Variants in SLC16A1 observed in about 807,000 individuals in gnomAD.
SLC16A1 encodes the protein monocarboxylate transporter 1.
Under a neutral mutation model 32.2 loss-of-function variants are expected in SLC16A1, and 11 were observed. That is an observed-to-expected ratio of 0.34 (90% CI 0.21 to 0.56). The LOEUF (loss-of-function observed/expected upper bound fraction) is 0.56, where lower values mean the gene tolerates loss of function less well. Ranked by LOEUF, SLC16A1 falls within the 20% of genes least tolerant of loss-of-function variation. The pLI, the probability that SLC16A1 is intolerant of heterozygous loss-of-function variation, is 0.87. For missense variants in SLC16A1, 435 were observed against 615.0 expected (o/e 0.71, Z 3.10); for synonymous variants, 231 against 226.8 (o/e 1.02, Z -0.17).
At chr1:112,919,105 A>T (rs967513752) in intron 3 of SLC16A1, among the ~76,000 whole-genome samples, 1 of 151,764 alleles carries the variant, frequency 6.6e-6, no homozygotes, top group Admixed American at 6.6e-5. Context: ...ATCTCGGCTC[A>T]CTGCAACCTC....
chr1:112,951,145 T>C (rs907485784), intron 1 of SLC16A1, among the ~76,000 whole-genome samples: 1 of 152,088 alleles, frequency 6.6e-6, no homozygotes, highest in Non-Finnish European at 1.5e-5. Context: ...CCACCTAAAC[T>C]AGTCCTTCCA....
intron 2 of SLC16A1, among the ~76,000 whole-genome samples, chr1:112,925,379 TTC>T (rs1491551367): frequency 1.2e-3 from 174 of 141,266 alleles, no homozygotes; most frequent in African/African-American, 1.9e-3. Flanking sequence ...CAAGTGGCCT[TTC>T]TTTTTTTTTT....
intron 1 of SLC16A1, among the ~76,000 whole-genome samples, chr1:112,930,975 T>C (rs1649108503): frequency 6.6e-6 from 1 of 152,164 alleles, no homozygotes; most frequent in Non-Finnish European, 1.5e-5. Flanking sequence ...CACCTTGGCC[T>C]CCCAAAGTGC....
chr1:112,940,385 A>G (rs1022347744), intron 1 of SLC16A1, among the ~76,000 whole-genome samples: 5 of 152,080 alleles, frequency 3.3e-5, no homozygotes, highest in African/African-American at 9.7e-5. Flanking sequence ...AAAGACCTCA[A>G]TCGTGAGAGA....
intron 2 of SLC16A1, chr1:112,923,401 G>C: frequency 1.6e-6 from 1 of 628,798 alleles, no homozygotes; most frequent in Non-Finnish European, 2.9e-6. Context: ...CCGGGCTGTC[G>C]CAGTCTCCTG....
rs573208804 is a variant in SLC16A1, at chr1:112,930,118, G to A, written c.-44-766C>T. Reference sequence around the variant, plus strand: ...AGCAAATTAATCAAACCCAAGGAGAGGGGTAGTGGTAACCCGATTTATAGC... The same window carrying A: ...AGCAAATTAATCAAACCCAAGGAGAAGGGTAGTGGTAACCCGATTTATAGC... On this transcript the variant is annotated intron_variant, in intron 1 of 4. Coordinates refer to ENST00000369626, the MANE Select transcript of SLC16A1 (RefSeq NM_003051.4). Among the ~76,000 whole-genome samples the A allele has an allele frequency of 2.0e-5, 3 of 152,284 alleles. No homozygotes were observed. The South Asian group carries it at 6.2e-4, about 32-fold the overall frequency.
chr1:112,913,907 TC>T lies in SLC16A1; in HGVS notation c.1486del (p.Glu496ArgfsTer18). On this transcript the variant is annotated frameshift_variant, in exon 5 of 5. Coordinates refer to ENST00000369626, the MANE Select transcript of SLC16A1 (RefSeq NM_003051.4). LOFTEE classifies it high-confidence loss of function. ...CCCATGGATTCAGACTGGACTTTCCTCCTCCTTGGGCCCTCCATCTGTGTCT... is the reference window on the plus strand; with the variant it reads ...CCCATGGATTCAGACTGGACTTTCCTCTCCTTGGGCCCTCCATCTGTGTCT... ...QKDTDGGPKE[E>X]ESPV The T allele has an allele frequency of 6.2e-7, 1 of 1,614,186 alleles. No homozygotes were observed. The highest frequency in any genetic ancestry group is 8.5e-7 in the Non-Finnish European group (1 of 1,180,024).
At chr1:112,947,380 G>C (rs1649741928) in intron 1 of SLC16A1, among the ~76,000 whole-genome samples, 1 of 152,164 alleles carries the variant, frequency 6.6e-6, no homozygotes, top group Admixed American at 6.5e-5. Flanking sequence ...ATTAATAATA[G>C]ATGGTATTTC....
intron 4 of SLC16A1, 134 bp from the exon 5 acceptor site, chr1:112,914,299 TA>T (rs1648428569): frequency 2.2e-6 from 2 of 917,120 alleles, no homozygotes; most frequent in Non-Finnish European, 3.3e-6. Context: ...TGAATTAGTA[TA>T]AGGAATTGCT....
At chr1:112,938,959 C>T (rs944936370) in intron 1 of SLC16A1, among the ~76,000 whole-genome samples, 6 of 151,184 alleles carry the variant, frequency 4.0e-5, no homozygotes, top group East Asian at 1.9e-4. Context: ...GGCGCGATCT[C>T]GGCTCACTGC....
At chr1:112,944,993 T>A (rs1367882212) in intron 1 of SLC16A1, among the ~76,000 whole-genome samples, 2 of 103,312 alleles carry the variant, frequency 1.9e-5, no homozygotes, top group African/African-American at 4.3e-5. Flanking sequence ...GCACCCAGCC[T>A]CTTTTTTTTT....
chr1:112,938,583 C>A (rs955990817), intron 1 of SLC16A1, among the ~76,000 whole-genome samples: 1 of 152,152 alleles, frequency 6.6e-6, no homozygotes, highest in African/African-American at 2.4e-5. Context: ...AAAATATAAA[C>A]CTGTCTCTGC....
Position 112,912,424 on chromosome 1 carries a change from C to A in SLC16A1, c.*1467G>T, listed in dbSNP as rs934026053. 6.6e-6 allele frequency: 1 copy of A among 152,184 alleles called. No homozygotes were observed. The highest frequency in any genetic ancestry group is 1.5e-5 in the Non-Finnish European group (1 of 68,022). The allele number at this position is 152,184 out of a possible 1,614,324, so 9.4% of individuals were successfully genotyped here. A position where few individuals can be genotyped will look rare whatever the true frequency, so the allele number is the denominator to read the frequency against. On this transcript the variant is annotated 3_prime_UTR_variant, in exon 5 of 5. Transcript: ENST00000369626. Reference sequence around the variant, plus strand: ...AAGGTTTTGTATCTATACTTTTACTCTGTCAATTACAGTGGTATTTTAAAT... The same window carrying A: ...AAGGTTTTGTATCTATACTTTTACTATGTCAATTACAGTGGTATTTTAAAT...
chr1:112,926,618 A>C (rs1266414796), intron 2 of SLC16A1, among the ~76,000 whole-genome samples: 2 of 152,166 alleles, frequency 1.3e-5, no homozygotes, highest in Non-Finnish European at 2.9e-5. Flanking sequence ...TCATGCCTGT[A>C]ATCCCAGCAC....
At chr1:112,931,176 A>G (rs550637549) in intron 1 of SLC16A1, among the ~76,000 whole-genome samples, 1 of 152,178 alleles carries the variant, frequency 6.6e-6, no homozygotes, top group African/African-American at 2.4e-5. Context: ...AAAAAAAAAG[A>G]TAATTCTGAA....
chr1:112,935,136 C>T (rs564581635), intron 1 of SLC16A1, among the ~76,000 whole-genome samples: 151 of 152,222 alleles, frequency 9.9e-4, no homozygotes, highest in African/African-American at 3.3e-3. Context: ...TAAAGTTAGC[C>T]AGGCATGGTG....
intron 2 of SLC16A1, among the ~76,000 whole-genome samples, chr1:112,927,512 G>C: frequency 6.6e-6 from 1 of 152,070 alleles, no homozygotes; most frequent in Non-Finnish European, 1.5e-5. Context: ...AAACTATTAG[G>C]GGATATACTA....
chr1:112,919,076 G>A (rs1648620661), intron 3 of SLC16A1, among the ~76,000 whole-genome samples: 2 of 144,090 alleles, frequency 1.4e-5, no homozygotes, highest in East Asian at 2.0e-4. Context: ...TGCCGCCCAG[G>A]CTGGAGTGCA....
intron 1 of SLC16A1, among the ~76,000 whole-genome samples, chr1:112,938,766 C>A (rs1290468843): frequency 2.0e-5 from 3 of 152,000 alleles, no homozygotes; most frequent in African/African-American, 7.2e-5. Context: ...TGATTTTAGA[C>A]CTTGCTTTTA....
Sources: allele counts gnomAD v4.1 joint callset (sites outside exome capture counted in the v4.1 genomes callset), GRCh38; gene constraint gnomAD v4.1.1; transcripts MANE v1.5; gene names NCBI Gene and HGNC (gene_info 2026-07-23, HGNC 2026-07-21).